NEDD9: variants seen among roughly 807,000 people sequenced by gnomAD.
NEDD9 encodes neural precursor cell expressed, developmentally down-regulated 9, also known as enhancer of filamentation 1.
A neutral mutation model predicts 76.6 loss-of-function variants in NEDD9; 26 were observed. The observed-to-expected ratio is 0.34, with a 90% confidence interval of 0.25 to 0.47. The LOEUF (loss-of-function observed/expected upper bound fraction) is 0.47, where lower values mean the gene tolerates loss of function less well. Ranked by LOEUF, NEDD9 falls within the 20% of genes least tolerant of loss-of-function variation. NEDD9 has a pLI of 1.00. For missense variants in NEDD9, 937 were observed against 1,058.5 expected (o/e 0.89, Z 1.59); for synonymous variants, 392 against 414.2 (o/e 0.95, Z 0.65).
intron 3 of NEDD9, among the ~76,000 whole-genome samples, chr6:11,292,953 T>G (rs1304345840): frequency 6.6e-6 from 1 of 152,184 alleles, no homozygotes; most frequent in East Asian, 1.9e-4. Context: ...ATTCCTGGGC[T>G]CCACCCTAGA....
At chr6:11,353,033 C>T (rs982262129) in intron 1 of NEDD9, among the ~76,000 whole-genome samples, 2 of 152,260 alleles carry the variant, frequency 1.3e-5, no homozygotes, top group Non-Finnish European at 2.9e-5. Context: ...GAGCGATCAC[C>T]TTTGCTGCTA....
intron 2 of NEDD9, among the ~76,000 whole-genome samples, chr6:11,325,336 C>G (rs1258393397): frequency 2.1e-5 from 3 of 146,036 alleles, no homozygotes; most frequent in African/African-American, 7.8e-5. Context: ...GCCTGGGTGA[C>G]AGAGAGGGAC....
At chr6:11,267,844 A>C (rs1760227895) in intron 3 of NEDD9, among the ~76,000 whole-genome samples, 1 of 152,174 alleles carries the variant, frequency 6.6e-6, no homozygotes, top group Admixed American at 6.5e-5. Context: ...TTATAATAGA[A>C]AGTTTATTTC....
chr6:11,316,868 C>T (rs1189827269), intron 2 of NEDD9, among the ~76,000 whole-genome samples: 1 of 152,158 alleles, frequency 6.6e-6, no homozygotes, highest in Non-Finnish European at 1.5e-5. Flanking sequence ...TGGATAAAAC[C>T]TCTGGAGACT....
intron 6 of NEDD9, among the ~76,000 whole-genome samples, chr6:11,186,686 T>G (rs3966740): frequency 6.6e-6 from 1 of 152,030 alleles, no homozygotes; most frequent in African/African-American, 2.4e-5. Context: ...GGCACGATCT[T>G]GGCTCACTGC....
chr6:11,300,354 A>G (rs976359532), intron 3 of NEDD9, among the ~76,000 whole-genome samples: 4 of 152,190 alleles, frequency 2.6e-5, no homozygotes, highest in Middle Eastern at 3.2e-3. Context: ...CAGGAAATAT[A>G]AGACTATAAG....
chr6:11,264,039 T>G (rs1460792364), intron 3 of NEDD9, among the ~76,000 whole-genome samples: 1 of 152,120 alleles, frequency 6.6e-6, no homozygotes, highest in Non-Finnish European at 1.5e-5. Flanking sequence ...GGGACAGTGG[T>G]AGAGCCTCCT....
intron 1 of NEDD9, among the ~76,000 whole-genome samples, chr6:11,228,055 C>T (rs1759357112): frequency 7.4e-6 from 1 of 135,014 alleles, no homozygotes. Context: ...AAAAGTGTCA[C>T]ATCTGTGTGT....
chr6:11,294,242 G>T (rs182878421), intron 3 of NEDD9, among the ~76,000 whole-genome samples: 3 of 152,184 alleles, frequency 2.0e-5, no homozygotes. Flanking sequence ...AAATTTTGAG[G>T]AACCTGCATG....
intron 3 of NEDD9, among the ~76,000 whole-genome samples, chr6:11,287,386 T>G (rs4711226): frequency 6.6e-6 from 1 of 151,868 alleles, no homozygotes; most frequent in Non-Finnish European, 1.5e-5. Context: ...TGAAATGGTG[T>G]CACTGTATGC....
At chr6:11,229,423 C>A (rs1759402594) in intron 1 of NEDD9, among the ~76,000 whole-genome samples, 1 of 151,836 alleles carries the variant, frequency 6.6e-6, no homozygotes, top group Non-Finnish European at 1.5e-5. Context: ...CAGGCACAAA[C>A]GGGGTGGGGT....
chr6:11,312,045 G>T (rs1044514764), intron 2 of NEDD9, among the ~76,000 whole-genome samples: 1 of 151,948 alleles, frequency 6.6e-6, no homozygotes, highest in Non-Finnish European at 1.5e-5. Context: ...CTCCAGTTCT[G>T]TCCTCAGCCT....
chr6:11,325,921 G>T (rs1030397327), intron 2 of NEDD9, among the ~76,000 whole-genome samples: 2 of 152,094 alleles, frequency 1.3e-5, no homozygotes, highest in Non-Finnish European at 2.9e-5. Context: ...CGAGGCGGGC[G>T]GATCACCTGA....
intron 3 of NEDD9, among the ~76,000 whole-genome samples, chr6:11,243,571 T>C (rs906556757): frequency 1.2e-4 from 19 of 152,238 alleles, no homozygotes; most frequent in Non-Finnish European, 7.3e-5. Context: ...GCCAACTCTA[T>C]GATCTCCCCT....
At chr6:11,265,961 C>T in intron 3 of NEDD9, among the ~76,000 whole-genome samples, 1 of 142,644 alleles carries the variant, frequency 7.0e-6, no homozygotes, top group Non-Finnish European at 1.5e-5. Flanking sequence ...TGTTCTCACT[C>T]ATAAGTGGGA....
intron 1 of NEDD9, among the ~76,000 whole-genome samples, chr6:11,373,426 C>A (rs1177848394): frequency 6.6e-5 from 10 of 152,330 alleles, no homozygotes; most frequent in African/African-American, 2.4e-4. Flanking sequence ...TACCCCAATA[C>A]CATATGTATA....
chr6:11,305,050 T>G (rs1311831182), intron 3 of NEDD9: 1 of 1,261,280 alleles, frequency 7.9e-7, no homozygotes, highest in Non-Finnish European at 1.0e-6. Context: ...AAGAAAGCAT[T>G]TCTTATTATA....
chr6:11,282,232 G>A (rs764271033), intron 3 of NEDD9, among the ~76,000 whole-genome samples: 5 of 152,178 alleles, frequency 3.3e-5, no homozygotes, highest in Non-Finnish European at 5.9e-5. Context: ...ACCTCTCAGC[G>A]ACTTTTGCTC....
chr6:11,285,770 CTTTCAACAAATGGTGCTAGTA>C (rs1760634933), intron 3 of NEDD9, among the ~76,000 whole-genome samples: 2 of 152,166 alleles, frequency 1.3e-5, no homozygotes, highest in Non-Finnish European at 2.9e-5. Flanking sequence ...AAACATAGTT[CTTTCAACAAATGGTGCTAGTA>C]CACTTGGATA....
Sources: allele counts gnomAD v4.1 joint callset (sites outside exome capture counted in the v4.1 genomes callset), GRCh38; gene constraint gnomAD v4.1.1; transcripts MANE v1.5; gene names NCBI Gene and HGNC (gene_info 2026-07-23, HGNC 2026-07-21).